IFT81: variants seen among roughly 807,000 people sequenced by gnomAD.
IFT81 encodes the protein intraflagellar transport 81, also known as intraflagellar transport protein 81 homolog.
In IFT81, 72 loss-of-function variants were observed where a neutral mutation model predicts 102.6. That is an observed-to-expected ratio of 0.70 (90% CI 0.58 to 0.85). IFT81 has a LOEUF of 0.85. Among genes scored for constraint, IFT81 ranks in the 40% least tolerant of loss-of-function variants. The pLI is 0.00. For missense variants in IFT81, 723 were observed against 787.3 expected (o/e 0.92, Z 0.98); for synonymous variants, 237 against 242.7 (o/e 0.98, Z 0.22).
chr12:110,163,070 G>A lies in IFT81; in HGVS notation c.1188+5G>A. The A allele has an allele frequency of 6.2e-7, 1 of 1,612,404 alleles. No homozygotes were observed. Among genetic ancestry groups the A allele is most frequent in the Non-Finnish European group, 8.5e-7 (1 of 1,179,004 alleles). The stretch of plus-strand genomic sequence containing the variant: ...GAAGTTTTAAAGGGAGATGAGGTAA[G>A]CTGAGCCATCTCATGGGACAAGGGT... On this transcript the variant is annotated splice_donor_5th_base_variant and intron_variant, in intron 11 of 18. Transcript: ENST00000242591.
chr12:110,212,503 A>G (rs927150895), intron 18 of IFT81, among the ~76,000 whole-genome samples: 5 of 149,548 alleles, frequency 3.3e-5, no homozygotes, highest in African/African-American at 1.2e-4. Flanking sequence ...ACGCCACTGC[A>G]CTCCAGCCTG....
At chr12:110,204,313 G>GTAA (rs1898454785) in intron 15 of IFT81, 1 of 171,366 alleles carries the variant, frequency 5.8e-6, no homozygotes, top group African/African-American at 2.4e-5. Context: ...CTGCTGCCTG[G>GTAA]CCTCCCACAG....
chr12:110,160,485 G>A (rs931410874), intron 10 of IFT81, among the ~76,000 whole-genome samples: 1 of 152,186 alleles, frequency 6.6e-6, no homozygotes, highest in Non-Finnish European at 1.5e-5. Context: ...TAGACTCAGC[G>A]AGCAAAGCTA....
intron 12 of IFT81, among the ~76,000 whole-genome samples, chr12:110,188,822 G>A (rs1897668203): frequency 6.6e-6 from 1 of 151,646 alleles, no homozygotes; most frequent in Admixed American, 6.6e-5. Flanking sequence ...CCAGCTACTT[G>A]GGAGGCTGAG....
chr12:110,172,859 T>C (rs1593332649), intron 11 of IFT81, among the ~76,000 whole-genome samples: 5 of 150,878 alleles, frequency 3.3e-5, no homozygotes, highest in Non-Finnish European at 7.4e-5. Context: ...TCGTCTGGGA[T>C]GTGAGGAGCC....
At position 110,218,507 on chromosome 12, in the gene IFT81, T is replaced by C. The variant is rs980886940; in HGVS notation, c.*281T>C. Reference sequence around the variant, plus strand: ...TTTACTATCTGTAAATGTAAACATATGTCCATTAAGAAACATGTAGTTTTT... The same window carrying C: ...TTTACTATCTGTAAATGTAAACATACGTCCATTAAGAAACATGTAGTTTTT... On this transcript the variant is annotated 3_prime_UTR_variant, in exon 19 of 19. Coordinates refer to ENST00000242591, the MANE Select transcript of IFT81 (RefSeq NM_014055.4). 8.2e-6 allele frequency: 2 copies of C among 242,688 alleles called. No homozygotes were observed. The highest frequency in any genetic ancestry group is 1.6e-5 in the Non-Finnish European group (2 of 128,388). The allele number at this position is 242,688 out of a possible 1,614,324, so 15.0% of individuals were successfully genotyped here. A position where few individuals can be genotyped will look rare whatever the true frequency, so the allele number is the denominator to read the frequency against.
intron 14 of IFT81, among the ~76,000 whole-genome samples, chr12:110,201,775 A>G (rs972914561): frequency 1.1e-4 from 16 of 152,072 alleles, no homozygotes; most frequent in South Asian, 2.1e-4. Flanking sequence ...TTTTTTGTTA[A>G]AAACTAAGAC....
intron 5 of IFT81, among the ~76,000 whole-genome samples, chr12:110,132,847 G>A (rs567500790): frequency 6.6e-5 from 10 of 152,208 alleles, no homozygotes; most frequent in Non-Finnish European, 1.3e-4. Context: ...CTTACAGTAC[G>A]GAAGAAGAGT....
At position 110,191,035 on chromosome 12, in the gene IFT81, A is replaced by G. The variant is rs756874674; in HGVS notation, c.1454A>G (p.Asp485Gly). 2 of 1,606,096 alleles carry G rather than the reference A, an allele frequency of 1.2e-6. No homozygotes were observed. Among genetic ancestry groups the G allele is most frequent in the East Asian group, 4.5e-5 (2 of 44,500 alleles). The change falls in exon 13 of 19, where the codon GAT becomes GGT. Residue 485 changes from aspartate to glycine, a missense_variant. By Grantham distance (94) the Asp-to-Gly change is moderately conservative. Transcript: ENST00000242591. ...GAAATGAAAGGACGAACATTGGATG[A>G]TATGTCTGAAATGGTGATGATACTT... ...VDEMKGRTLD[D>G]MSEMVKKLYS... is the part of the protein sequence containing the mutation.
At chr12:110,142,497 T>TTTTTTA in intron 8 of IFT81, among the ~76,000 whole-genome samples, 1 of 152,286 alleles carries the variant, frequency 6.6e-6, no homozygotes, top group East Asian at 1.9e-4. Context: ...TAACTTGTGG[T>TTTTTTA]GCTTTTAGTA....
intron 10 of IFT81, among the ~76,000 whole-genome samples, chr12:110,161,755 C>T (rs1290040979): frequency 3.3e-5 from 5 of 151,946 alleles, no homozygotes; most frequent in East Asian, 1.9e-4. Context: ...CACCCAGCCT[C>T]CTTCATTTTT....
chr12:110,162,230 A>G (rs901153239), intron 10 of IFT81: 2 of 151,880 alleles, frequency 1.3e-5, no homozygotes, highest in African/African-American at 4.8e-5. Context: ...GAAACCCACC[A>G]TGTAAAAATA....
At chr12:110,211,175 C>CTTTTT (rs796140785) in intron 18 of IFT81, among the ~76,000 whole-genome samples, 11 of 102,188 alleles carry the variant, frequency 1.1e-4, no homozygotes, top group Non-Finnish European at 1.4e-4. Context: ...ATTAGGCTTT[C>CTTTTT]TTTTTTTTTT....
chr12:110,205,700 T>C lies in IFT81; in HGVS notation c.1802+20T>C. On this transcript the variant is annotated intron_variant, in intron 17 of 18. Transcript: ENST00000242591. ...AATTAGGCAAGTGATTTTGTTGTTT[T>C]ATATTGAGATACTTAATATTTTCAC... 1 of 1,417,510 alleles carries C rather than the reference T, an allele frequency of 7.1e-7. No individual in the cohort carries two copies. Among genetic ancestry groups the C allele is most frequent in the South Asian group, 1.3e-5 (1 of 76,888 alleles). 87.8% of individuals were successfully genotyped at this position (1,417,510 alleles called of 1,614,324 possible).
At chr12:110,126,963 TG>T (rs537586703) in intron 1 of IFT81, among the ~76,000 whole-genome samples, 1 of 152,208 alleles carries the variant, frequency 6.6e-6, no homozygotes, top group South Asian at 2.1e-4. Context: ...CAATGTTTTT[TG>T]GGAGATTTGG....
chr12:110,173,149 C>G (rs1223190123), intron 11 of IFT81, among the ~76,000 whole-genome samples: 1 of 145,450 alleles, frequency 6.9e-6, no homozygotes. Flanking sequence ...CCAGCCGCCC[C>G]GTCCAGGAGG....
At chr12:110,217,911 C>T in intron 18 of IFT81, 133 bp from the exon 19 acceptor site, 2 of 623,540 alleles carry the variant, frequency 3.2e-6, no homozygotes, top group South Asian at 4.3e-5. Flanking sequence ...AGTTTTGGTA[C>T]ATTATAGAGT....
At chr12:110,147,168 G>A in intron 10 of IFT81, 120 bp downstream of exon 10, 1 of 690,544 alleles carries the variant, frequency 1.4e-6, no homozygotes, top group Non-Finnish European at 2.3e-6. Flanking sequence ...TTCTGTCACT[G>A]CTAATCTCCA....
chr12:110,171,886 A>C (rs1241468811), intron 11 of IFT81: 2 of 152,160 alleles, frequency 1.3e-5, no homozygotes, highest in Non-Finnish European at 2.9e-5. Flanking sequence ...TGCCACTCCT[A>C]AACAGTTGGT....
Sources: allele counts gnomAD v4.1 joint callset (sites outside exome capture counted in the v4.1 genomes callset), GRCh38; gene constraint gnomAD v4.1.1; transcripts MANE v1.5; gene names NCBI Gene and HGNC (gene_info 2026-07-23, HGNC 2026-07-21).